NT5C2: variants seen among roughly 807,000 people sequenced by gnomAD.
NT5C2 encodes 5'-nucleotidase, cytosolic II, also known as cytosolic purine 5'-nucleotidase.
A neutral mutation model predicts 76.1 loss-of-function variants in NT5C2; 58 were observed. The ratio of observed to expected loss-of-function variants is 0.76; its 90% CI spans 0.62 to 0.95. The LOEUF (loss-of-function observed/expected upper bound fraction) is 0.95, where lower values mean the gene tolerates loss of function less well. NT5C2 is among the 40% of genes least tolerant of loss of function. The pLI, the probability that NT5C2 is intolerant of heterozygous loss-of-function variation, is 0.00. For missense variants in NT5C2, 478 were observed against 690.3 expected (o/e 0.69, Z 3.45); for synonymous variants, 229 against 237.4 (o/e 0.96, Z 0.32).
chr10:103,172,248 T>A lies in NT5C2; in HGVS notation c.101+2610A>T, dbSNP rs572819815. 4.5e-5 allele frequency among the ~76,000 whole-genome samples: 3 copies of A among 66,914 alleles called. No individual in the cohort carries two copies. The South Asian group carries it at 1.2e-3, about 26-fold the overall frequency. 43.9% of individuals were successfully genotyped at this position (66,914 alleles called of 152,430 possible). A position where few individuals can be genotyped will look rare whatever the true frequency, so the allele number is the denominator to read the frequency against. On this transcript the variant is annotated intron_variant, in intron 3 of 18. Coordinates refer to ENST00000404739, the MANE Select transcript of NT5C2 (RefSeq NM_001351169.2). Reference sequence around the variant, plus strand: ...ATTTAAATACAATTTTAACTTTAAATTTTTTTTTTTTTTTTTGAGACGGAG... The same window carrying A: ...ATTTAAATACAATTTTAACTTTAAAATTTTTTTTTTTTTTTTGAGACGGAG...
At chr10:103,160,959 G>C (rs917760852) in intron 3 of NT5C2, among the ~76,000 whole-genome samples, 3 of 151,978 alleles carry the variant, frequency 2.0e-5, no homozygotes, top group African/African-American at 7.3e-5. Flanking sequence ...GCAGTGACCT[G>C]AGATCGTGCC....
intron 3 of NT5C2, among the ~76,000 whole-genome samples, chr10:103,162,399 T>C (rs965443648): frequency 3.9e-5 from 6 of 152,046 alleles, no homozygotes; most frequent in African/African-American, 1.4e-4. Flanking sequence ...GGCAAACAAC[T>C]TGAAAAGGCA....
chr10:103,169,266 C>CAT (rs1276836420), intron 3 of NT5C2: 2 of 152,120 alleles, frequency 1.3e-5, no homozygotes, highest in Non-Finnish European at 2.9e-5. Flanking sequence ...AAGACATATA[C>CAT]ATATACACAC....
intron 4 of NT5C2, among the ~76,000 whole-genome samples, chr10:103,115,964 A>G (rs936585877): frequency 6.6e-6 from 1 of 152,166 alleles, no homozygotes; most frequent in Non-Finnish European, 1.5e-5. Flanking sequence ...TGGAGGGACC[A>G]CCTCAAAAAC....
chr10:103,093,121 G>C lies in NT5C2; in HGVS notation c.1159+18C>G. The stretch of plus-strand genomic sequence containing the variant: ...TCATTTAGATATAAATTACACCAAA[G>C]ATTTATGAATGGCTTACAACTCTTG... On this transcript the variant is annotated intron_variant, in intron 15 of 18. Transcript: ENST00000404739. 1 of 1,539,564 alleles carries C rather than the reference G, an allele frequency of 6.5e-7. No individual in the cohort carries two copies. Among genetic ancestry groups the C allele is most frequent in the East Asian group, 2.3e-5 (1 of 42,732 alleles).
intron 3 of NT5C2, among the ~76,000 whole-genome samples, chr10:103,165,022 A>G (rs1014130450): frequency 1.3e-5 from 2 of 152,246 alleles, no homozygotes; most frequent in African/African-American, 4.8e-5. Flanking sequence ...CACATTTTTA[A>G]GAGCATCTTG....
chr10:103,138,984 A>G (rs2079867250), intron 4 of NT5C2, among the ~76,000 whole-genome samples: 1 of 151,912 alleles, frequency 6.6e-6, no homozygotes, highest in Non-Finnish European at 1.5e-5. Flanking sequence ...TCCAGCCTGG[A>G]GGACAAGAGC....
At chr10:103,190,251 C>T (rs954849063) in intron 1 of NT5C2, among the ~76,000 whole-genome samples, 5 of 152,220 alleles carry the variant, frequency 3.3e-5, no homozygotes, top group South Asian at 2.1e-4. Context: ...TCATTCACTC[C>T]GCTCTAATTG....
chr10:103,175,726 G>A (rs940815995), intron 2 of NT5C2: 13 of 267,938 alleles, frequency 4.9e-5, no homozygotes, highest in South Asian at 7.5e-5. Flanking sequence ...TGAGGCAGCC[G>A]GGGCCACTGG....
At chr10:103,188,897 T>C (rs2092357344) in intron 1 of NT5C2, among the ~76,000 whole-genome samples, 1 of 151,580 alleles carries the variant, frequency 6.6e-6, no homozygotes, top group African/African-American at 2.4e-5. Context: ...AGCATGCCTG[T>C]AGTACTCGGG....
intron 3 of NT5C2, among the ~76,000 whole-genome samples, chr10:103,147,868 G>A (rs1380965251): frequency 6.6e-6 from 1 of 152,078 alleles, no homozygotes; most frequent in Non-Finnish European, 1.5e-5. Context: ...TCTTGTGGGG[G>A]TAATGAAATG....
chr10:103,115,980 C>G (rs1483175625), intron 4 of NT5C2, among the ~76,000 whole-genome samples: 1 of 152,040 alleles, frequency 6.6e-6, no homozygotes, highest in Non-Finnish European at 1.5e-5. Flanking sequence ...AAAACACTGC[C>G]TGACTGTAGA....
At chr10:103,164,112 G>T (rs1591641491) in intron 3 of NT5C2, among the ~76,000 whole-genome samples, 1 of 152,212 alleles carries the variant, frequency 6.6e-6, no homozygotes, top group Admixed American at 6.5e-5. Flanking sequence ...AGGTGTGGTG[G>T]TGTGCTCCTG....
chr10:103,138,480 G>A (rs910151161), intron 4 of NT5C2, among the ~76,000 whole-genome samples: 7 of 152,000 alleles, frequency 4.6e-5, no homozygotes, highest in African/African-American at 1.7e-4. Flanking sequence ...CCCTCCCTGT[G>A]TTCATGTGTT....
At chr10:103,138,508 A>G (rs1395597053) in intron 4 of NT5C2, among the ~76,000 whole-genome samples, 1 of 151,846 alleles carries the variant, frequency 6.6e-6, no homozygotes, top group Non-Finnish European at 1.5e-5. Flanking sequence ...TTCAACTCCC[A>G]CTTATGAGTG....
At chr10:103,129,484 A>G (rs1591224813) in intron 4 of NT5C2, among the ~76,000 whole-genome samples, 4 of 103,972 alleles carry the variant, frequency 3.8e-5, no homozygotes, top group African/African-American at 1.1e-4. Flanking sequence ...TGGGGGGGTC[A>G]GCCCCCCCAC....
chr10:103,109,515 G>A (rs1175338865), intron 4 of NT5C2, among the ~76,000 whole-genome samples: 2 of 152,154 alleles, frequency 1.3e-5, no homozygotes, highest in Non-Finnish European at 2.9e-5. Flanking sequence ...ATTTCAAACT[G>A]TATTTAATGA....
At chr10:103,157,802 C>T (rs1276393825) in intron 3 of NT5C2, among the ~76,000 whole-genome samples, 2 of 152,074 alleles carry the variant, frequency 1.3e-5, no homozygotes, top group South Asian at 2.1e-4. Context: ...GGGCCAGGTG[C>T]GGTGGCTCAC....
intron 2 of NT5C2, among the ~76,000 whole-genome samples, chr10:103,178,532 C>T (rs1001343540): frequency 4.0e-5 from 6 of 151,464 alleles, no homozygotes; most frequent in Non-Finnish European, 7.4e-5. Flanking sequence ...TATGCCACTG[C>T]GCTCCAGCCT....
Sources: gnomAD v4.1 joint callset for allele counts (sites outside exome capture counted in the v4.1 genomes callset) on GRCh38, gnomAD v4.1.1 for gene constraint, MANE v1.5 for transcripts, NCBI Gene and HGNC (gene_info 2026-07-23, HGNC 2026-07-21) for gene names.